Variants in CTNNA3 observed in about 807,000 individuals in gnomAD.
CTNNA3 encodes the protein catenin alpha 3, also known as catenin alpha-3.
A neutral mutation model predicts 95.7 loss-of-function variants in CTNNA3; 76 were observed. That is an observed-to-expected ratio of 0.79 (90% CI 0.66 to 0.96). The LOEUF (loss-of-function observed/expected upper bound fraction) is 0.96, where lower values mean the gene tolerates loss of function less well. Among genes scored for constraint, CTNNA3 ranks in the 40% least tolerant of loss-of-function variants. The probability of loss-of-function intolerance (pLI) is 0.00; values close to 1 mark genes in which losing one functional copy is unlikely to be tolerated. For synonymous variants in CTNNA3, 431 were observed against 374.4 expected (o/e 1.15, Z -1.74); for missense variants, 1,191 against 1,089.8 (o/e 1.09, Z -1.31).
At chr10:66,222,521 G>A (rs12761083) in intron 13 of CTNNA3, among the ~76,000 whole-genome samples, 11,718 of 151,094 alleles carry the variant, frequency 0.078, 586 homozygotes, top group Admixed American at 0.13. Context: ...AGTTGGGAAG[G>A]AAGGAAAGAA....
intron 7 of CTNNA3, among the ~76,000 whole-genome samples, chr10:67,082,730 C>T (rs1395681334): frequency 6.6e-6 from 1 of 152,118 alleles, no homozygotes; most frequent in African/African-American, 2.4e-5. Flanking sequence ...AAATAAAGTA[C>T]TTCTACATCA....
At chr10:67,232,309 T>A (rs1227100777) in intron 5 of CTNNA3, among the ~76,000 whole-genome samples, 2 of 152,042 alleles carry the variant, frequency 1.3e-5, no homozygotes, top group African/African-American at 4.8e-5. Context: ...TAACAGCGGA[T>A]CTCTCAGCAG....
At chr10:67,021,082 T>C (rs116682172) in intron 7 of CTNNA3, among the ~76,000 whole-genome samples, 2,770 of 152,314 alleles carry the variant, frequency 0.018, 88 homozygotes, top group African/African-American at 0.062. Flanking sequence ...GTTGATTATA[T>C]ACATTTTGTA....
intron 1 of CTNNA3, among the ~76,000 whole-genome samples, chr10:67,756,866 T>C (rs1466432206): frequency 6.6e-6 from 1 of 152,162 alleles, no homozygotes; most frequent in Non-Finnish European, 1.5e-5. Context: ...GTAGAAAAAT[T>C]ATCATGTACA....
intron 17 of CTNNA3, among the ~76,000 whole-genome samples, chr10:65,938,812 T>C (rs1163601579): frequency 6.6e-6 from 1 of 152,106 alleles, no homozygotes; most frequent in African/African-American, 2.4e-5. Flanking sequence ...GTGCTCTGAA[T>C]GATAAGGGAT....
intron 1 of CTNNA3, among the ~76,000 whole-genome samples, chr10:67,667,431 T>G (rs1184980355): frequency 6.6e-6 from 1 of 152,172 alleles, no homozygotes; most frequent in Non-Finnish European, 1.5e-5. Flanking sequence ...ATCACAAACA[T>G]CAAGTTAACT....
intron 12 of CTNNA3, among the ~76,000 whole-genome samples, chr10:66,367,630 A>G (rs2092719364): frequency 6.7e-6 from 1 of 149,686 alleles, no homozygotes; most frequent in Non-Finnish European, 1.5e-5. Flanking sequence ...AGAAATGACA[A>G]ATATAGGAAA....
chr10:67,097,292 C>T (rs1443836784), intron 7 of CTNNA3, among the ~76,000 whole-genome samples: 6 of 151,866 alleles, frequency 4.0e-5, no homozygotes, highest in African/African-American at 1.2e-4. Context: ...TTAGCGAAAG[C>T]AATTTTCTGA....
intron 13 of CTNNA3, among the ~76,000 whole-genome samples, chr10:66,216,822 A>G (rs575282218): frequency 1.3e-5 from 2 of 152,306 alleles, no homozygotes; most frequent in African/African-American, 4.8e-5. Context: ...TACAATATAA[A>G]TACCAGGAAG....
intron 7 of CTNNA3, among the ~76,000 whole-genome samples, chr10:67,118,607 A>G (rs1859307339): frequency 6.6e-6 from 1 of 151,964 alleles, no homozygotes; most frequent in Non-Finnish European, 1.5e-5. Context: ...TAGAAAGAAA[A>G]CTTAAATGTA....
At chr10:67,085,275 CA>C (rs1196442668) in intron 7 of CTNNA3, among the ~76,000 whole-genome samples, 11 of 150,972 alleles carry the variant, frequency 7.3e-5, no homozygotes, top group African/African-American at 2.7e-4. Flanking sequence ...TAATAGTAAT[CA>C]AAAATATGAC....
At chr10:67,040,080 T>C (rs920334888) in intron 7 of CTNNA3, among the ~76,000 whole-genome samples, 2 of 152,102 alleles carry the variant, frequency 1.3e-5, no homozygotes, top group Admixed American at 1.3e-4. Flanking sequence ...GGTAGTGTAA[T>C]GAGTACAGCA....
chr10:66,147,952 C>T (rs1033795096), intron 13 of CTNNA3, among the ~76,000 whole-genome samples: 1 of 151,278 alleles, frequency 6.6e-6, no homozygotes, highest in African/African-American at 2.4e-5. Context: ...ATCCACATCA[C>T]CATATACTTA....
At chr10:67,614,208 C>T (rs1466864414) in intron 2 of CTNNA3, among the ~76,000 whole-genome samples, 2 of 152,130 alleles carry the variant, frequency 1.3e-5, no homozygotes, top group African/African-American at 4.8e-5. Flanking sequence ...CTCTAGCTAG[C>T]TGCAGAGCAC....
chr10:67,693,489 T>A (rs376327169), intron 1 of CTNNA3, among the ~76,000 whole-genome samples: 4 of 152,306 alleles, frequency 2.6e-5, no homozygotes, highest in Admixed American at 6.5e-5. Context: ...TCTTCTTAAA[T>A]CTTAATCCCT....
chr10:67,538,513 C>T (rs1409796939), intron 4 of CTNNA3, among the ~76,000 whole-genome samples: 2 of 145,438 alleles, frequency 1.4e-5, no homozygotes, highest in Non-Finnish European at 3.0e-5. Flanking sequence ...ACCCAGAAGG[C>T]AGAGATTGCA....
At chr10:66,092,279 C>T (rs2133697477) in intron 14 of CTNNA3, among the ~76,000 whole-genome samples, 1 of 152,032 alleles carries the variant, frequency 6.6e-6, no homozygotes, top group Non-Finnish European at 1.5e-5. Context: ...TCTGCTTCTT[C>T]CTGAATCACT....
At chr10:66,066,100 T>C (rs2080307488) in intron 15 of CTNNA3, among the ~76,000 whole-genome samples, 2 of 152,104 alleles carry the variant, frequency 1.3e-5, no homozygotes, top group African/African-American at 4.8e-5. Context: ...CAACCTCTGG[T>C]GACCTGTCCA....
intron 5 of CTNNA3, among the ~76,000 whole-genome samples, chr10:67,439,741 G>A (rs576664022): frequency 2.0e-5 from 3 of 152,248 alleles, no homozygotes; most frequent in South Asian, 2.1e-4. Flanking sequence ...TGCCCAGAAG[G>A]GAGCCTGCTA....
Sources: gnomAD v4.1 joint callset for allele counts (sites outside exome capture counted in the v4.1 genomes callset) on GRCh38, gnomAD v4.1.1 for gene constraint, MANE v1.5 for transcripts, NCBI Gene and HGNC (gene_info 2026-07-23, HGNC 2026-07-21) for gene names.